Variants in FAM227B observed in about 807,000 individuals in gnomAD.
FAM227B encodes protein FAM227B.
FAM227B carries 88 observed loss-of-function variants against 73.8 expected under a neutral mutation model. That is an observed-to-expected ratio of 1.19 (90% confidence interval 1.00 to 1.42). FAM227B has a LOEUF of 1.42. FAM227B is among the 40% of genes most tolerant of loss of function. The pLI is 0.00. For missense variants in FAM227B, 632 were observed against 590.9 expected (o/e 1.07, Z -0.72); for synonymous variants, 210 against 190.5 (o/e 1.10, Z -0.84).
chr15:49,431,562 T>C lies in FAM227B; in HGVS notation c.1013-60163A>G, dbSNP rs529755813. ...AAAATTTGATGTATACTGGGGAGAA[T>C]TGGCTCTAGAGATTCTCCAGTTGCT... On this transcript the variant is annotated intron_variant, in intron 11 of 15. Transcript: ENST00000299338. Among the ~76,000 whole-genome samples the C allele has an allele frequency of 2.9e-4, 44 of 151,810 alleles. 1 individual carries two copies. Among genetic ancestry groups the C allele is most frequent in the Middle Eastern group, 3.4e-3 (1 of 294 alleles).
chr15:49,597,596 G>A (rs976953113), intron 3 of FAM227B, among the ~76,000 whole-genome samples: 1 of 151,838 alleles, frequency 6.6e-6, no homozygotes, highest in African/African-American at 2.4e-5. Flanking sequence ...CCCAAACCCA[G>A]CTGAAGAAAT....
At chr15:49,437,376 A>G (rs1410669865) in intron 11 of FAM227B, among the ~76,000 whole-genome samples, 1 of 151,670 alleles carries the variant, frequency 6.6e-6, no homozygotes. Context: ...TTTACTGGCA[A>G]ATAGGTTCTT....
intron 5 of FAM227B, among the ~76,000 whole-genome samples, chr15:49,585,727 G>A (rs1188225285): frequency 6.6e-6 from 1 of 152,130 alleles, no homozygotes; most frequent in Non-Finnish European, 1.5e-5. Context: ...AGCAGTAGGA[G>A]ATATACCTAA....
chr15:49,551,739 G>T (rs1405635042), intron 9 of FAM227B, among the ~76,000 whole-genome samples: 1 of 152,046 alleles, frequency 6.6e-6, no homozygotes, highest in East Asian at 1.9e-4. Flanking sequence ...TTCTTGCTTT[G>T]TATTTTTTGT....
At chr15:49,528,183 AT>A (rs1389099219) in intron 10 of FAM227B, among the ~76,000 whole-genome samples, 7 of 151,944 alleles carry the variant, frequency 4.6e-5, no homozygotes, top group Admixed American at 4.6e-4. Flanking sequence ...TAGAGAACCT[AT>A]AAATAAACCC....
chr15:49,367,740 ATCT>A, intron 12 of FAM227B, 132 bp from the exon 13 acceptor site: 1 of 848,924 alleles, frequency 1.2e-6, no homozygotes, highest in Non-Finnish European at 1.7e-6. Context: ...TCTACAAAGC[ATCT>A]TCTTAATTAG....
chr15:49,409,470 G>A (rs1238797820), intron 11 of FAM227B, among the ~76,000 whole-genome samples: 2 of 150,826 alleles, frequency 1.3e-5, no homozygotes, highest in East Asian at 3.9e-4. Flanking sequence ...AGGAGTACTT[G>A]TACTCTTTTA....
At chr15:49,455,658 C>A (rs2053216760) in intron 11 of FAM227B, among the ~76,000 whole-genome samples, 4 of 152,164 alleles carry the variant, frequency 2.6e-5, no homozygotes, top group Admixed American at 2.6e-4. Flanking sequence ...TATTTCTAAA[C>A]AGACATATTT....
intron 7 of FAM227B, 79 bp downstream of exon 7, chr15:49,576,662 C>G: frequency 1.2e-6 from 1 of 849,296 alleles, no homozygotes. Flanking sequence ...CCTAATTTAT[C>G]ATAGCTTTAA....
chr15:49,579,694 T>C (rs1002233751), intron 5 of FAM227B, among the ~76,000 whole-genome samples: 3 of 152,176 alleles, frequency 2.0e-5, no homozygotes, highest in African/African-American at 4.8e-5. Context: ...TACAACCATA[T>C]AGTTATTTAG....
At chr15:49,521,688 G>A (rs562751079) in intron 10 of FAM227B, among the ~76,000 whole-genome samples, 1 of 152,158 alleles carries the variant, frequency 6.6e-6, no homozygotes, top group African/African-American at 2.4e-5. Context: ...TCTTCCCCAG[G>A]CCATTTTGGT....
chr15:49,393,557 T>C (rs571110241), intron 11 of FAM227B, among the ~76,000 whole-genome samples: 5 of 152,164 alleles, frequency 3.3e-5, no homozygotes, highest in East Asian at 1.9e-4. Context: ...AATAAGTCCA[T>C]ATACCAAGAT....
chr15:49,564,937 G>A (rs770314108), intron 9 of FAM227B, among the ~76,000 whole-genome samples: 9 of 151,848 alleles, frequency 5.9e-5, no homozygotes, highest in Admixed American at 4.6e-4. Flanking sequence ...CCCACGTAAC[G>A]AACCTGCACG....
intron 10 of FAM227B, among the ~76,000 whole-genome samples, chr15:49,531,289 C>T (rs900051838): frequency 2.0e-5 from 3 of 151,526 alleles, no homozygotes; most frequent in Admixed American, 6.6e-5. Flanking sequence ...ATATTATATA[C>T]TATGTATCAA....
At chr15:49,596,604 A>G (rs2076898954) in intron 3 of FAM227B, among the ~76,000 whole-genome samples, 1 of 152,030 alleles carries the variant, frequency 6.6e-6, no homozygotes, top group Admixed American at 6.5e-5. Context: ...TGGCATGATG[A>G]ATAGAATAGT....
At chr15:49,556,210 T>C (rs1262501149) in intron 9 of FAM227B, among the ~76,000 whole-genome samples, 7 of 151,416 alleles carry the variant, frequency 4.6e-5, no homozygotes, top group Admixed American at 4.6e-4. Flanking sequence ...CTGATGTTTC[T>C]TCAATCTTTA....
At chr15:49,608,739 T>G (rs897947272) in intron 3 of FAM227B, among the ~76,000 whole-genome samples, 19 of 152,004 alleles carry the variant, frequency 1.2e-4, no homozygotes, top group African/African-American at 4.3e-4. Flanking sequence ...GGAGTACTCT[T>G]CAGACACAGA....
intron 11 of FAM227B, among the ~76,000 whole-genome samples, chr15:49,453,668 C>T (rs1019443235): frequency 2.0e-5 from 3 of 152,162 alleles, no homozygotes; most frequent in Admixed American, 1.3e-4. Flanking sequence ...AGACTCATGA[C>T]TTCAATTATG....
intron 11 of FAM227B, among the ~76,000 whole-genome samples, chr15:49,409,171 C>A (rs2048713092): frequency 1.3e-5 from 2 of 152,040 alleles, no homozygotes; most frequent in Admixed American, 6.6e-5. Flanking sequence ...AGTTTCACTT[C>A]AGTATTGGAG....
Sources: gnomAD v4.1 joint callset for allele counts (sites outside exome capture counted in the v4.1 genomes callset) on GRCh38, gnomAD v4.1.1 for gene constraint, MANE v1.5 for transcripts, NCBI Gene and HGNC (gene_info 2026-07-23, HGNC 2026-07-21) for gene names.